PDE4B: variants seen among roughly 807,000 people sequenced by gnomAD.
The protein encoded by PDE4B is 3',5'-cyclic-AMP phosphodiesterase 4B.
Under a neutral mutation model 82.2 loss-of-function variants are expected in PDE4B, and 20 were observed. That is an observed-to-expected ratio of 0.24 (90% confidence interval 0.17 to 0.35). The LOEUF is 0.35. PDE4B is among the 10% of genes least tolerant of loss of function. The pLI, the probability that PDE4B is intolerant of heterozygous loss-of-function variation, is 1.00. For synonymous variants in PDE4B, 320 were observed against 318.9 expected (o/e 1.00, Z -0.04); for missense variants, 655 against 907.2 (o/e 0.72, Z 3.57).
chr1:65,913,228 GT>G lies in PDE4B; in HGVS notation c.-70-10del. The G allele has an allele frequency of 5.3e-6, 6 of 1,137,666 alleles. No individual in the cohort carries two copies. The highest frequency in any genetic ancestry group is 1.8e-5 in the Admixed American group (1 of 54,462). 70.5% of individuals were successfully genotyped at this position (1,137,666 alleles called of 1,614,324 possible). A position where few individuals can be genotyped will look rare whatever the true frequency, so the allele number is the denominator to read the frequency against. On this transcript the variant is annotated splice_polypyrimidine_tract_variant and intron_variant, in intron 1 of 16. Transcript: ENST00000341517. ...GATACAGAGCTGTTCTTTTTTGTGT[GT>G]TTTTTTCTCCTGTAGGTATTAAAAA... is the stretch of plus-strand genomic sequence containing the variant.
intron 1 of PDE4B, among the ~76,000 whole-genome samples, chr1:65,859,593 C>T (rs1013960832): frequency 7.2e-5 from 11 of 151,786 alleles, no homozygotes; most frequent in South Asian, 2.1e-4. Context: ...ATAAAATGAA[C>T]GATTGGTCGT....
At chr1:66,302,045 G>A (rs1657932619) in intron 7 of PDE4B, among the ~76,000 whole-genome samples, 1 of 152,136 alleles carries the variant, frequency 6.6e-6, no homozygotes, top group African/African-American at 2.4e-5. Context: ...GAAGCAAAGA[G>A]AGATTAGAAC....
chr1:66,078,671 CT>C (rs1298979932), intron 3 of PDE4B, among the ~76,000 whole-genome samples: 4 of 152,252 alleles, frequency 2.6e-5, no homozygotes, highest in African/African-American at 7.2e-5. Context: ...GGCAATTCGT[CT>C]TTTAAAAATC....
chr1:66,177,807 C>T (rs1327760392), intron 3 of PDE4B, among the ~76,000 whole-genome samples: 1 of 152,136 alleles, frequency 6.6e-6, no homozygotes, highest in South Asian at 2.1e-4. Context: ...GCCCTGAAGC[C>T]TTTCCTAAAG....
intron 3 of PDE4B, among the ~76,000 whole-genome samples, chr1:66,164,441 C>G (rs1157414223): frequency 7.2e-6 from 1 of 139,652 alleles, no homozygotes; most frequent in Non-Finnish European, 1.5e-5. Context: ...GAGGCTGAGG[C>G]AGGAGAATTG....
At chr1:66,318,973 A>G in intron 7 of PDE4B, among the ~76,000 whole-genome samples, 1 of 152,340 alleles carries the variant, frequency 6.6e-6, no homozygotes, top group Admixed American at 6.5e-5. Flanking sequence ...CAATAATCTC[A>G]TTTGTAAAAA....
At position 66,247,478 on chromosome 1, in the gene PDE4B, C is replaced by A; in HGVS notation, c.300C>A (p.Gly100=). 6.3e-7 allele frequency: 1 copy of A among 1,577,894 alleles called. No individual in the cohort carries two copies. Among genetic ancestry groups the A allele is most frequent in the South Asian group, 1.2e-5 (1 of 85,684 alleles). Residue 100 remains glycine (G), a synonymous_variant, in exon 4 of 17, where the codon GGC becomes GGA. Transcript: ENST00000341517. ...VSQECFDVEN[G]PSPGRSPLDP... ...CTTTAAGCTTTGATGTGGAAAATGG[C>A]CCTTCCCCAGGTCGGAGTCCACTGG...
chr1:66,003,960 C>G (rs1937443), intron 3 of PDE4B, among the ~76,000 whole-genome samples: 87,027 of 152,020 alleles, frequency 0.57, 25,113 homozygotes, highest in African/African-American at 0.62. Flanking sequence ...GCTCATTTAT[C>G]AAAACGACAT....
intron 3 of PDE4B, among the ~76,000 whole-genome samples, chr1:65,987,265 G>A (rs1651001556): frequency 1.3e-5 from 2 of 152,152 alleles, no homozygotes; most frequent in South Asian, 2.1e-4. Flanking sequence ...CTATCAGGTA[G>A]TATGGGCTAA....
chr1:65,967,803 A>T (rs1380927994), intron 3 of PDE4B, among the ~76,000 whole-genome samples: 4 of 152,096 alleles, frequency 2.6e-5, no homozygotes, highest in Non-Finnish European at 5.9e-5. Flanking sequence ...CTCACTCATA[A>T]GTGGGAGTTG....
intron 3 of PDE4B, among the ~76,000 whole-genome samples, chr1:65,961,500 AGAT>A (rs1330884758): frequency 6.6e-6 from 1 of 152,200 alleles, no homozygotes; most frequent in Non-Finnish European, 1.5e-5. Context: ...ATAAGAATAA[AGAT>A]AATAATTAGT....
intron 8 of PDE4B, among the ~76,000 whole-genome samples, chr1:66,344,682 A>G (rs1411305006): frequency 2.0e-5 from 3 of 152,212 alleles, no homozygotes; most frequent in Non-Finnish European, 4.4e-5. Context: ...AGTTAAATAC[A>G]TTGGGTTAAA....
intron 1 of PDE4B, among the ~76,000 whole-genome samples, chr1:65,912,901 C>A (rs751958258): frequency 6.6e-6 from 1 of 152,080 alleles, no homozygotes; most frequent in South Asian, 2.1e-4. Context: ...TTGCAAGCAT[C>A]AAATAAAATA....
chr1:66,207,048 T>A (rs942711548), intron 3 of PDE4B, among the ~76,000 whole-genome samples: 4 of 152,216 alleles, frequency 2.6e-5, no homozygotes, highest in African/African-American at 9.6e-5. Context: ...AAGGAAATAC[T>A]ACATTTCCCC....
chr1:66,019,181 G>T (rs1652946484), intron 3 of PDE4B, among the ~76,000 whole-genome samples: 1 of 152,020 alleles, frequency 6.6e-6, no homozygotes, highest in East Asian at 1.9e-4. Flanking sequence ...AATAACAAAA[G>T]ATATTGGTGC....
intron 7 of PDE4B, among the ~76,000 whole-genome samples, chr1:66,309,434 A>G (rs1413976629): frequency 6.6e-6 from 1 of 152,224 alleles, no homozygotes; most frequent in South Asian, 2.1e-4. Context: ...TTCTATGTGA[A>G]TCAGATGACG....
chr1:65,997,040 T>C (rs1651582269), intron 3 of PDE4B, among the ~76,000 whole-genome samples: 2 of 152,156 alleles, frequency 1.3e-5, no homozygotes, highest in African/African-American at 4.8e-5. Flanking sequence ...TTTGTTGATA[T>C]CCCAACTTCA....
intron 3 of PDE4B, among the ~76,000 whole-genome samples, chr1:65,985,902 C>T (rs992640288): frequency 1.3e-5 from 2 of 152,122 alleles, no homozygotes; most frequent in Non-Finnish European, 2.9e-5. Context: ...AATTGCAACA[C>T]ACTGGTATTC....
chr1:66,265,170 C>T (rs918245393), intron 6 of PDE4B, among the ~76,000 whole-genome samples: 2 of 152,202 alleles, frequency 1.3e-5, no homozygotes, highest in South Asian at 4.1e-4. Context: ...ACTGAATCAG[C>T]AACTCTGGGG....
Sources: allele counts gnomAD v4.1 joint callset (sites outside exome capture counted in the v4.1 genomes callset), GRCh38; gene constraint gnomAD v4.1.1; transcripts MANE v1.5; gene names NCBI Gene and HGNC (gene_info 2026-07-23, HGNC 2026-07-21).